Variants in MIPOL1 observed in about 807,000 individuals in gnomAD.
MIPOL1 encodes mirror-image polydactyly gene 1 protein.
In MIPOL1, 57 loss-of-function variants were observed where a neutral mutation model predicts 60.9. That is an observed-to-expected ratio of 0.94 (90% CI 0.76 to 1.17). The LOEUF is 1.17. Ranked by LOEUF, MIPOL1 falls within the 50% of genes most tolerant of loss-of-function variation. The pLI, the probability that MIPOL1 is intolerant of heterozygous loss-of-function variation, is 0.00. For missense variants in MIPOL1, 551 were observed against 511.6 expected (o/e 1.08, Z -0.74); for synonymous variants, 179 against 168.8 (o/e 1.06, Z -0.47).
At chr14:37,420,952 A>G (rs1017408183) in intron 10 of MIPOL1, among the ~76,000 whole-genome samples, 1 of 152,160 alleles carries the variant, frequency 6.6e-6, no homozygotes, top group African/African-American at 2.4e-5. Context: ...TAAAGCCAGA[A>G]AGTTTATAAT....
intron 12 of MIPOL1, among the ~76,000 whole-genome samples, chr14:37,534,318 A>G (rs1035717876): frequency 6.6e-6 from 1 of 152,186 alleles, no homozygotes; most frequent in African/African-American, 2.4e-5. Flanking sequence ...TAACTGCTCT[A>G]TCATTTAATG....
chr14:37,439,925 C>G (rs1718543247), intron 11 of MIPOL1, among the ~76,000 whole-genome samples: 1 of 152,136 alleles, frequency 6.6e-6, no homozygotes, highest in Non-Finnish European at 1.5e-5. Flanking sequence ...GTGGTGCAGT[C>G]ACAGCTCACT....
chr14:37,292,465 C>CTTTTTTTTTTTTTTTTTTTTTTTTTTT (rs34055899), intron 7 of MIPOL1, among the ~76,000 whole-genome samples: 2 of 63,442 alleles, frequency 3.2e-5, no homozygotes, highest in African/African-American at 6.0e-5. Flanking sequence ...CCTTAATAAA[C>CTTTTTTTTTTTTTTTTTTTTTTTTTTT]TTTTTTTTTT....
intron 11 of MIPOL1, among the ~76,000 whole-genome samples, chr14:37,441,670 A>AGG (rs2094247727): frequency 6.6e-6 from 1 of 152,110 alleles, no homozygotes; most frequent in Non-Finnish European, 1.5e-5. Flanking sequence ...GTAACATAAT[A>AGG]TACTGTAAAA....
chr14:37,424,560 G>T (rs2093929613), intron 11 of MIPOL1, among the ~76,000 whole-genome samples: 1 of 152,166 alleles, frequency 6.6e-6, no homozygotes, highest in African/African-American at 2.4e-5. Flanking sequence ...CCAGAACTAT[G>T]TGATATTAAA....
chr14:37,290,540 G>T (rs2084964524), intron 7 of MIPOL1, among the ~76,000 whole-genome samples: 1 of 152,000 alleles, frequency 6.6e-6, no homozygotes, highest in Non-Finnish European at 1.5e-5. Context: ...GTGTGTGTTT[G>T]TCTGTCTTTT....
At position 37,266,971 on chromosome 14, in the gene MIPOL1, C is replaced by A; in HGVS notation, c.53C>A (p.Thr18Lys). The A allele has an allele frequency of 6.2e-7, 1 of 1,612,846 alleles. No homozygotes were observed. The highest frequency in any genetic ancestry group is 8.5e-7 in the Non-Finnish European group (1 of 1,179,382). ...ITHSYLEQET[T>K]GINKSTQPDE... ...CACAGTTATCTTGAACAAGAAACTA[C>A]GGGGATAAATAAAAGTACGCAGCCA... is the stretch of plus-strand genomic sequence containing the variant. Residue 18 changes from threonine to lysine, a missense_variant, in exon 4 of 13, where the codon ACG becomes AAG. Thr to Lys is a moderately conservative substitution (Grantham distance 78). Coordinates refer to ENST00000684589, the MANE Select transcript of MIPOL1 (RefSeq NM_001388067.1).
intron 1 of MIPOL1, among the ~76,000 whole-genome samples, chr14:37,234,493 A>G (rs1377364316): frequency 6.6e-6 from 1 of 151,140 alleles, no homozygotes; most frequent in African/African-American, 2.4e-5. Context: ...GCTTTGCCTT[A>G]ATTTTTAATT....
chr14:37,267,946 A>G (rs1567212442), intron 4 of MIPOL1, among the ~76,000 whole-genome samples: 1 of 152,138 alleles, frequency 6.6e-6, no homozygotes. Context: ...TTACTTTCTC[A>G]GCTTTTACCC....
intron 12 of MIPOL1, among the ~76,000 whole-genome samples, chr14:37,534,591 T>A (rs1216783187): frequency 6.6e-6 from 1 of 152,202 alleles, no homozygotes; most frequent in African/African-American, 2.4e-5. Context: ...CCTACCCTTA[T>A]GGAGCCTCAT....
At chr14:37,504,801 A>G (rs2095259431) in intron 12 of MIPOL1, 1 of 152,216 alleles carries the variant, frequency 6.6e-6, no homozygotes, top group African/African-American at 2.4e-5. Context: ...CCTTCAAAAA[A>G]TCAATGAATC....
chr14:37,212,357 G>A (rs1369592479), intron 1 of MIPOL1: 1 of 152,154 alleles, frequency 6.6e-6, no homozygotes, highest in African/African-American at 2.4e-5. Flanking sequence ...TCCCTTAAGG[G>A]TGAGTCACAA....
chr14:37,263,438 A>C (rs1379267463), intron 3 of MIPOL1, among the ~76,000 whole-genome samples: 1 of 152,164 alleles, frequency 6.6e-6, no homozygotes, highest in Non-Finnish European at 1.5e-5. Context: ...AGTAATCCAT[A>C]ATATCATTTT....
intron 6 of MIPOL1, among the ~76,000 whole-genome samples, chr14:37,279,379 A>G (rs1398460371): frequency 6.6e-6 from 1 of 151,632 alleles, no homozygotes; most frequent in Non-Finnish European, 1.5e-5. Flanking sequence ...GCAAATTCCA[A>G]CTAAAATGCT....
intron 12 of MIPOL1, among the ~76,000 whole-genome samples, chr14:37,539,151 G>T (rs1420324150): frequency 6.6e-6 from 1 of 151,884 alleles, no homozygotes; most frequent in Non-Finnish European, 1.5e-5. Context: ...GCAGTGAGCC[G>T]AGATCGTGCC....
At chr14:37,498,976 C>T (rs1319858617) in intron 11 of MIPOL1, among the ~76,000 whole-genome samples, 1 of 152,068 alleles carries the variant, frequency 6.6e-6, no homozygotes, top group Non-Finnish European at 1.5e-5. Context: ...TTCCCATTAT[C>T]AATCTATATT....
chr14:37,394,357 G>A (rs1305835988), intron 10 of MIPOL1, among the ~76,000 whole-genome samples: 1 of 151,844 alleles, frequency 6.6e-6, no homozygotes, highest in Non-Finnish European at 1.5e-5. Context: ...CAAAATGGCT[G>A]TACTAGTTTA....
At chr14:37,415,510 T>C (rs1484957186) in intron 10 of MIPOL1, among the ~76,000 whole-genome samples, 1 of 151,244 alleles carries the variant, frequency 6.6e-6, no homozygotes, top group Non-Finnish European at 1.5e-5. Context: ...GCGCCTGTAG[T>C]CCCAGCTACT....
intron 1 of MIPOL1, among the ~76,000 whole-genome samples, chr14:37,237,350 A>G (rs1351475588): frequency 6.6e-6 from 1 of 152,082 alleles, no homozygotes; most frequent in Non-Finnish European, 1.5e-5. Flanking sequence ...CTCCCACTGC[A>G]CCAGGTAGGG....
Sources: allele counts gnomAD v4.1 joint callset (sites outside exome capture counted in the v4.1 genomes callset), GRCh38; gene constraint gnomAD v4.1.1; transcripts MANE v1.5; gene names NCBI Gene and HGNC (gene_info 2026-07-23, HGNC 2026-07-21).